The following CAMK4 variants were observed in gnomAD, a reference collection of about 807,000 sequenced individuals.
The protein encoded by CAMK4 is calcium/calmodulin dependent protein kinase IV.
In CAMK4, 22 loss-of-function variants were observed where a neutral mutation model predicts 44.9. The observed-to-expected ratio is 0.49, with a 90% CI of 0.35 to 0.70. The LOEUF (loss-of-function observed/expected upper bound fraction) is 0.70, where lower values mean the gene tolerates loss of function less well. CAMK4 is among the 30% of genes least tolerant of loss of function. The pLI is 0.01. For synonymous variants in CAMK4, 218 were observed against 215.4 expected, an observed-to-expected ratio of 1.01 and a Z score of -0.11; for missense variants, 498 against 586.8, an observed-to-expected ratio of 0.85 and a Z score of 1.56.
At chr5:111,348,657 G>T (rs907802445) in intron 2 of CAMK4, among the ~76,000 whole-genome samples, 1 of 151,962 alleles carries the variant, frequency 6.6e-6, no homozygotes, top group Non-Finnish European at 1.5e-5. Flanking sequence ...AATGGTTTGT[G>T]TATGCACAGG....
At chr5:111,322,947 A>C (rs1238110017) in intron 1 of CAMK4, among the ~76,000 whole-genome samples, 1 of 152,146 alleles carries the variant, frequency 6.6e-6, no homozygotes, top group African/African-American at 2.4e-5. Flanking sequence ...GAAATTGTCC[A>C]ATCTGAAGAA....
intron 5 of CAMK4, among the ~76,000 whole-genome samples, chr5:111,407,570 G>A (rs1752482161): frequency 6.6e-6 from 1 of 152,030 alleles, no homozygotes; most frequent in Non-Finnish European, 1.5e-5. Flanking sequence ...ACAAGTATAT[G>A]TAGACCATGA....
chr5:111,411,658 T>A (rs1416838933), intron 5 of CAMK4, among the ~76,000 whole-genome samples: 1 of 152,198 alleles, frequency 6.6e-6, no homozygotes, highest in Non-Finnish European at 1.5e-5. Flanking sequence ...CATCACTATT[T>A]ACAATTAAGG....
At chr5:111,381,332 A>G (rs1245128375) in intron 4 of CAMK4, among the ~76,000 whole-genome samples, 1 of 152,200 alleles carries the variant, frequency 6.6e-6, no homozygotes, top group East Asian at 1.9e-4. Context: ...CTGAGGAGCC[A>G]GGAAGCCAGT....
intron 5 of CAMK4, among the ~76,000 whole-genome samples, chr5:111,407,448 C>G: frequency 1.3e-5 from 2 of 151,390 alleles, no homozygotes; most frequent in South Asian, 4.2e-4. Context: ...AAGGCATGCA[C>G]TGTTTCTGAT....
chr5:111,301,132 C>G (rs1226980111), intron 1 of CAMK4, among the ~76,000 whole-genome samples: 1 of 151,916 alleles, frequency 6.6e-6, no homozygotes, highest in East Asian at 1.9e-4. Context: ...ATATGACCCC[C>G]CTCCTTAACG....
chr5:111,227,912 A>C (rs1324020701), intron 1 of CAMK4, among the ~76,000 whole-genome samples: 2 of 152,234 alleles, frequency 1.3e-5, no homozygotes, highest in South Asian at 4.1e-4. Flanking sequence ...AGGGCTCCAG[A>C]TCCTCGAGAG....
At position 111,224,949 on chromosome 5, in the gene CAMK4, T is replaced by A. The variant is rs1355957662; in HGVS notation, c.161+305T>A. 6.6e-6 allele frequency among the ~76,000 whole-genome samples: 1 copy of A among 150,506 alleles called. No homozygotes were observed. On this transcript the variant is annotated intron_variant, in intron 1 of 10. Coordinates refer to ENST00000282356, the MANE Select transcript of CAMK4 (RefSeq NM_001744.6). This position sits in a 1 kb window ranked among gnomAD's most constrained non-coding sequence, Gnocchi z 5.7. ...CCGCACGTGGGCCCTGCTTTCCCAA[T>A]TGATATCTTTGCTCACGATTATAGC...
chr5:111,389,591 A>G (rs1218200727), intron 4 of CAMK4, among the ~76,000 whole-genome samples: 2 of 152,164 alleles, frequency 1.3e-5, no homozygotes, highest in African/African-American at 4.8e-5. Flanking sequence ...AAGGAGTGCC[A>G]TTTGCATGAG....
intron 1 of CAMK4, among the ~76,000 whole-genome samples, chr5:111,308,843 T>A (rs537465764): frequency 2.1e-4 from 32 of 152,348 alleles, no homozygotes; most frequent in African/African-American, 7.5e-4. Flanking sequence ...TATTCAGTAA[T>A]CTTAAAATTA....
chr5:111,230,465 A>C (rs1422083101), intron 1 of CAMK4, among the ~76,000 whole-genome samples: 2 of 152,182 alleles, frequency 1.3e-5, no homozygotes, highest in African/African-American at 4.8e-5. Flanking sequence ...AAAACCTTAA[A>C]ATCAAGTGAA....
At chr5:111,391,793 T>A (rs1201235845) in intron 4 of CAMK4, among the ~76,000 whole-genome samples, 1 of 152,124 alleles carries the variant, frequency 6.6e-6, no homozygotes, top group Non-Finnish European at 1.5e-5. Flanking sequence ...AACTACCGTG[T>A]TTTTCATAAA....
chr5:111,444,339 A>C (rs1210407720), intron 5 of CAMK4, among the ~76,000 whole-genome samples: 1 of 152,194 alleles, frequency 6.6e-6, no homozygotes, highest in African/African-American at 2.4e-5. Context: ...AACAGGTATA[A>C]GGTATTTAAA....
intron 5 of CAMK4, among the ~76,000 whole-genome samples, chr5:111,445,307 A>C (rs1753986186): frequency 6.6e-6 from 1 of 152,236 alleles, no homozygotes; most frequent in Non-Finnish European, 1.5e-5. Flanking sequence ...TTTGTTAAGC[A>C]GAAAAAAAGC....
At chr5:111,473,076 A>C (rs1580800290) in intron 7 of CAMK4, among the ~76,000 whole-genome samples, 1 of 150,508 alleles carries the variant, frequency 6.6e-6, no homozygotes, top group East Asian at 2.0e-4. Flanking sequence ...ATTCTGACAT[A>C]GAATATTAAA....
chr5:111,413,879 G>A (rs1752717957), intron 5 of CAMK4, among the ~76,000 whole-genome samples: 1 of 151,792 alleles, frequency 6.6e-6, no homozygotes. Flanking sequence ...TTCATAAAAT[G>A]TTTTTAAAGT....
At chr5:111,424,246 C>G (rs1181140064) in intron 5 of CAMK4, among the ~76,000 whole-genome samples, 1 of 152,136 alleles carries the variant, frequency 6.6e-6, no homozygotes, top group Non-Finnish European at 1.5e-5. Flanking sequence ...AAGTCATACA[C>G]CTTTAAAAGA....
At chr5:111,322,009 G>A (rs306075) in intron 1 of CAMK4, among the ~76,000 whole-genome samples, 140,821 of 152,064 alleles carry the variant, frequency 0.93, 65,349 homozygotes, top group East Asian at 1. Flanking sequence ...CTATGGGGGA[G>A]GACTTCTGCT....
intron 5 of CAMK4, among the ~76,000 whole-genome samples, chr5:111,421,655 G>T (rs977374982): frequency 5.1e-4 from 77 of 151,972 alleles, no homozygotes; most frequent in African/African-American, 1.8e-3. Context: ...TTGTTTTTTT[G>T]TTTGTTTGTT....
Sources: allele counts gnomAD v4.1 joint callset (sites outside exome capture counted in the v4.1 genomes callset), GRCh38; gene constraint gnomAD v4.1.1; non-coding constraint Gnocchi (gnomAD v3.1); transcripts MANE v1.5; gene names NCBI Gene and HGNC (gene_info 2026-07-23, HGNC 2026-07-21).